The following AFMID variants were observed in gnomAD, a reference collection of about 807,000 sequenced individuals.
AFMID encodes kynurenine formamidase.
Under a neutral mutation model 47.5 loss-of-function variants are expected in AFMID, and 39 were observed. The observed-to-expected ratio is 0.82, with a 90% CI of 0.64 to 1.07. The LOEUF (loss-of-function observed/expected upper bound fraction) is 1.07, where lower values mean the gene tolerates loss of function less well. AFMID is among the 50% of genes least tolerant of loss of function. AFMID has a pLI of 0.00. For missense variants in AFMID, 375 were observed against 387.5 expected (o/e 0.97, Z 0.27); for synonymous variants, 130 against 153.2 (o/e 0.85, Z 1.12).
intron 2 of AFMID, chr17:78,197,274 G>C: frequency 6.9e-7 from 1 of 1,449,994 alleles, no homozygotes; most frequent in Non-Finnish European, 9.4e-7. Flanking sequence ...ATGGCAGCCG[G>C]CAATGGCCTC....
At chr17:78,189,668 A>G (rs2075907612) in intron 1 of AFMID, among the ~76,000 whole-genome samples, 1 of 151,134 alleles carries the variant, frequency 6.6e-6, no homozygotes, top group African/African-American at 2.4e-5. Flanking sequence ...ACAGGTGTCC[A>G]CCACCATGCC....
chr17:78,194,164 G>A (rs1231722378), intron 2 of AFMID, among the ~76,000 whole-genome samples: 1 of 150,916 alleles, frequency 6.6e-6, no homozygotes, highest in Non-Finnish European at 1.5e-5. Flanking sequence ...AGGCTGGAGT[G>A]CAGTGGCGTG....
intron 2 of AFMID, among the ~76,000 whole-genome samples, chr17:78,199,711 C>A (rs2076201639): frequency 6.6e-6 from 1 of 152,122 alleles, no homozygotes. Flanking sequence ...GCCACCAAGG[C>A]TGGGGACCAG....
intron 2 of AFMID, among the ~76,000 whole-genome samples, chr17:78,199,174 G>C (rs1308082364): frequency 1.3e-5 from 2 of 152,216 alleles, no homozygotes; most frequent in Non-Finnish European, 2.9e-5. Context: ...GCCTGGATTG[G>C]CCCATGGGCA....
chr17:78,187,569 T>G, intron 1 of AFMID, 136 bp downstream of exon 1: 1 of 819,242 alleles, frequency 1.2e-6, no homozygotes, highest in Non-Finnish European at 2.0e-6. Flanking sequence ...GCGTGCCAGG[T>G]CCCCAGTGCT....
chr17:78,200,068 C>T (rs2076209310), intron 2 of AFMID, among the ~76,000 whole-genome samples: 1 of 152,000 alleles, frequency 6.6e-6, no homozygotes, highest in Non-Finnish European at 1.5e-5. Flanking sequence ...AAGATATGTC[C>T]AAATCCTAAC....
In AFMID at chr17:78,204,834, T is replaced by C; in HGVS notation, c.401T>C (p.Leu134Pro). 2 of 1,614,228 alleles carry C rather than the reference T, an allele frequency of 1.2e-6. No individual in the cohort carries two copies. Among genetic ancestry groups the C allele is most frequent in the South Asian group, 2.2e-5 (2 of 91,088 alleles). The change falls in exon 6 of 11, where the codon CTG (leucine) becomes CCG (proline). Residue 134 changes from leucine (L) to proline (P), a missense_variant. Coordinates refer to ENST00000409257, the MANE Select transcript of AFMID (RefSeq NM_001010982.5). ...GCTCATGCTCTCTGTGCAGGCACCCTGGACCACATGGTAGACCAGGTGACC... is the reference window on the plus strand; with the variant it reads ...GCTCATGCTCTCTGTGCAGGCACCCCGGACCACATGGTAGACCAGGTGACC... ...VAYGIAPKGT[L>P]DHMVDQVTRS...
intron 2 of AFMID, among the ~76,000 whole-genome samples, chr17:78,193,395 AAAAG>A (rs2076026407): frequency 1.4e-5 from 2 of 146,978 alleles, no homozygotes; most frequent in African/African-American, 2.5e-5. Context: ...AAAAAAAAAA[AAAAG>A]CTGTAAGCAA....
At chr17:78,206,769 T>G in intron 10 of AFMID, 142 bp from the exon 11 acceptor site, 1 of 797,362 alleles carries the variant, frequency 1.3e-6, no homozygotes, top group Non-Finnish European at 2.1e-6. Flanking sequence ...TGAGTTCAAG[T>G]GATCTTCCCA....
In AFMID at chr17:78,204,816, C is replaced by T. The variant is rs1599015376; in HGVS notation, c.395-12C>T. ...AAGTGCATCCCTGACCCAGCTCATG[C>T]TCTCTGTGCAGGCACCCTGGACCAC... On this transcript the variant is annotated splice_polypyrimidine_tract_variant and intron_variant, in intron 5 of 10. Coordinates refer to ENST00000409257, the MANE Select transcript of AFMID (RefSeq NM_001010982.5). 7 of 1,614,114 alleles carry T rather than the reference C, an allele frequency of 4.3e-6. No homozygotes were observed. In the Admixed American group the frequency reaches 1.2e-4, roughly 27 times the overall value.
intron 1 of AFMID, among the ~76,000 whole-genome samples, chr17:78,190,208 G>A (rs1423499403): frequency 2.0e-5 from 3 of 151,608 alleles, no homozygotes; most frequent in African/African-American, 4.9e-5. Context: ...GTGTGAAGGT[G>A]TTAGCCCGAC....
At chr17:78,202,803 G>T (rs1182780120) in intron 4 of AFMID, 52 bp downstream of exon 4, 1 of 1,547,544 alleles carries the variant, frequency 6.5e-7, no homozygotes, top group Admixed American at 2.0e-5. Context: ...CACTTTCCCT[G>T]GGGGACTCCT....
chr17:78,196,545 G>A (rs2076119040), intron 2 of AFMID, among the ~76,000 whole-genome samples: 1 of 152,110 alleles, frequency 6.6e-6, no homozygotes, highest in African/African-American at 2.4e-5. Context: ...CAGGCATAGT[G>A]GCACATGCCT....
Position 78,204,885 on chromosome 17 carries a change from G to A in AFMID, c.452G>A (p.Arg151Gln), listed in dbSNP as rs1008777397. The A allele has an allele frequency of 1.3e-5, 21 of 1,614,026 alleles. No homozygotes were observed. The highest frequency in any genetic ancestry group is 4.5e-5 in the East Asian group (2 of 44,894). ...VTRSVAFVQK[R>Q]YPSNKGIYLC... ...CGCAGCGTTGCGTTTGTCCAGAAGCGGTATCCAAGCAACAAGTGGGTGTTG... is the reference window on the plus strand; with the variant it reads ...CGCAGCGTTGCGTTTGTCCAGAAGCAGTATCCAAGCAACAAGTGGGTGTTG... Residue 151 changes from arginine to glutamine, a missense_variant, in exon 6 of 11, where the codon CGG becomes CAG. Transcript: ENST00000409257.
intron 1 of AFMID, among the ~76,000 whole-genome samples, chr17:78,187,978 A>T (rs1411863383): frequency 6.6e-6 from 1 of 151,170 alleles, no homozygotes; most frequent in African/African-American, 2.4e-5. Flanking sequence ...AAAAAAAAAA[A>T]AAAAAAAAAA....
intron 1 of AFMID, 142 bp from the exon 2 acceptor site, chr17:78,190,828 G>C: frequency 1.4e-6 from 1 of 690,696 alleles, no homozygotes. Context: ...CTAGACCATG[G>C]ATCTGAGGGC....
intron 2 of AFMID, among the ~76,000 whole-genome samples, chr17:78,200,365 G>T (rs984107191): frequency 1.3e-5 from 2 of 152,096 alleles, no homozygotes; most frequent in Non-Finnish European, 2.9e-5. Context: ...ATGTTGGCCG[G>T]GATGGTCTCA....
intron 2 of AFMID, among the ~76,000 whole-genome samples, chr17:78,202,077 G>A (rs1336705684): frequency 3.3e-5 from 5 of 151,642 alleles, no homozygotes; most frequent in Non-Finnish European, 1.5e-5. Context: ...AGCTCAACAC[G>A]CCAACTTAAG....
rs558284753 is a variant in AFMID at position 78,192,643 on chromosome 17, G to A, written c.154+1583G>A. The A allele has an allele frequency of 1.9e-5, 9 of 471,002 alleles. No homozygotes were observed. The East Asian group carries it at 6.3e-4, about 33-fold the overall frequency. The allele number at this position is 471,002 out of a possible 1,614,324, so 29.2% of individuals were successfully genotyped here. A position where few individuals can be genotyped will look rare whatever the true frequency, so the allele number is the denominator to read the frequency against. ...ACCTTTTCTTTCTTTAAAGAAATCTGGACTTGGGAACCTGTAAACTAGTGA... is the reference window on the plus strand; with the variant it reads ...ACCTTTTCTTTCTTTAAAGAAATCTAGACTTGGGAACCTGTAAACTAGTGA... On this transcript the variant is annotated intron_variant, in intron 2 of 10. Coordinates refer to ENST00000409257, the MANE Select transcript of AFMID (RefSeq NM_001010982.5).
Sources: gnomAD v4.1 joint callset for allele counts (sites outside exome capture counted in the v4.1 genomes callset) on GRCh38, gnomAD v4.1.1 for gene constraint, MANE v1.5 for transcripts, NCBI Gene and HGNC (gene_info 2026-07-23, HGNC 2026-07-21) for gene names.